DPYD: variants seen among roughly 807,000 people sequenced by gnomAD.
DPYD encodes the protein dihydropyrimidine dehydrogenase.
DPYD carries 109 observed loss-of-function variants against 116.2 expected under a neutral mutation model. That is an observed-to-expected ratio of 0.94 (90% CI 0.80 to 1.10). The LOEUF (loss-of-function observed/expected upper bound fraction) is 1.10, where lower values mean the gene tolerates loss of function less well. DPYD is among the 50% of genes least tolerant of loss of function. DPYD has a pLI of 0.00. For missense variants in DPYD, 1,302 were observed against 1,254.5 expected, an observed-to-expected ratio of 1.04 and a Z score of -0.57; for synonymous variants, 440 against 432.0, an observed-to-expected ratio of 1.02 and a Z score of -0.23.
intron 20 of DPYD, among the ~76,000 whole-genome samples, chr1:97,160,302 T>C (rs961897477): frequency 6.6e-6 from 1 of 151,978 alleles, no homozygotes; most frequent in Non-Finnish European, 1.5e-5. Flanking sequence ...AATATTTCAG[T>C]AGAATGGGAA....
At chr1:97,884,642 C>A (rs1020454655) in intron 1 of DPYD, among the ~76,000 whole-genome samples, 1 of 151,996 alleles carries the variant, frequency 6.6e-6, no homozygotes, top group East Asian at 1.9e-4. Flanking sequence ...CATGAAGTTA[C>A]CCCTAACTAA....
At chr1:97,228,539 C>A (rs145376511) in intron 19 of DPYD, among the ~76,000 whole-genome samples, 2 of 152,262 alleles carry the variant, frequency 1.3e-5, no homozygotes, top group Admixed American at 1.3e-4. Context: ...ATAGTCTATA[C>A]ACATGATGAA....
intron 13 of DPYD, among the ~76,000 whole-genome samples, chr1:97,467,996 C>T (rs771087493): frequency 1.3e-5 from 2 of 152,024 alleles, no homozygotes; most frequent in Non-Finnish European, 1.5e-5. Flanking sequence ...TTGACAAACT[C>T]CTATGGTAAA....
rs143206857 is a variant in DPYD at position 97,579,527 on chromosome 1, T to C, written c.1129-5557A>G. Among the ~76,000 whole-genome samples the C allele has an allele frequency of 3.2e-4, 49 of 152,348 alleles. 1 individual carries two copies. The East Asian group carries it at 8.5e-3, about 26-fold the overall frequency. ...CTGCTATCAGAAAACATGGACCAAA[T>C]TGACCTGTGGTCTAACCACATGCAG... On this transcript the variant is annotated intron_variant, in intron 10 of 22. Coordinates refer to ENST00000370192, the MANE Select transcript of DPYD (RefSeq NM_000110.4).
At chr1:97,880,419 T>C (rs1672149018) in intron 2 of DPYD, among the ~76,000 whole-genome samples, 1 of 151,880 alleles carries the variant, frequency 6.6e-6, no homozygotes, top group Non-Finnish European at 1.5e-5. Context: ...TTCAATTATT[T>C]ATGCCAGCAT....
At chr1:97,100,294 G>T (rs552521995) in intron 20 of DPYD, among the ~76,000 whole-genome samples, 1 of 152,024 alleles carries the variant, frequency 6.6e-6, no homozygotes, top group African/African-American at 2.4e-5. Context: ...GAGGTGTTAG[G>T]GATTACACTT....
chr1:97,870,887 T>C (rs1671622179), intron 2 of DPYD, among the ~76,000 whole-genome samples: 1 of 151,832 alleles, frequency 6.6e-6, no homozygotes, highest in South Asian at 2.1e-4. Context: ...TTACGTGGGT[T>C]CCACCGATTA....
intron 20 of DPYD, among the ~76,000 whole-genome samples, chr1:97,176,268 C>T (rs999917007): frequency 6.6e-6 from 1 of 152,206 alleles, no homozygotes; most frequent in Admixed American, 6.5e-5. Context: ...TCAGCCTCTG[C>T]TTAGGCAGGC....
intron 3 of DPYD, among the ~76,000 whole-genome samples, chr1:97,812,508 A>G (rs1315463249): frequency 1.3e-5 from 2 of 152,132 alleles, no homozygotes; most frequent in East Asian, 3.9e-4. Flanking sequence ...TCCAAAGTAC[A>G]TTTTTAAGAC....
At chr1:97,226,158 T>C (rs1013069184) in intron 19 of DPYD, among the ~76,000 whole-genome samples, 3 of 152,102 alleles carry the variant, frequency 2.0e-5, no homozygotes, top group African/African-American at 7.2e-5. Context: ...TCTTAATAGA[T>C]GCAGAAAAAT....
chr1:97,632,138 T>C (rs1456418989), intron 8 of DPYD, among the ~76,000 whole-genome samples: 3 of 152,100 alleles, frequency 2.0e-5, no homozygotes, highest in African/African-American at 4.8e-5. Flanking sequence ...ATAAGGAAGC[T>C]GTGGTCATCA....
At chr1:97,642,857 T>C (rs1014178888) in intron 8 of DPYD, among the ~76,000 whole-genome samples, 1 of 151,478 alleles carries the variant, frequency 6.6e-6, no homozygotes, top group Non-Finnish European at 1.5e-5. Context: ...ATTGTGCACA[T>C]GTACCCTAAA....
chr1:97,688,857 A>T (rs1179492903), intron 7 of DPYD, among the ~76,000 whole-genome samples: 3 of 151,968 alleles, frequency 2.0e-5, no homozygotes, highest in African/African-American at 4.8e-5. Flanking sequence ...TGATGCCAAA[A>T]TTGATAAATT....
intron 8 of DPYD, among the ~76,000 whole-genome samples, chr1:97,649,743 G>T (rs1658476468): frequency 6.6e-6 from 1 of 152,056 alleles, no homozygotes. Context: ...AGAAAGGGAA[G>T]TAGGAAGTTC....
At chr1:97,368,869 T>G (rs1671173333) in intron 16 of DPYD, among the ~76,000 whole-genome samples, 1 of 152,344 alleles carries the variant, frequency 6.6e-6, no homozygotes, top group East Asian at 1.9e-4. Context: ...TATTGTTGCA[T>G]GACAATGCAG....
At chr1:97,896,130 T>TA (rs889959997) in intron 1 of DPYD, among the ~76,000 whole-genome samples, 6 of 151,924 alleles carry the variant, frequency 3.9e-5, no homozygotes, top group Middle Eastern at 3.4e-3. Context: ...AATGGACTCT[T>TA]AGAGATTAAC....
chr1:97,287,390 T>C (rs1410084258), intron 18 of DPYD, among the ~76,000 whole-genome samples: 2 of 152,158 alleles, frequency 1.3e-5, no homozygotes, highest in African/African-American at 4.8e-5. Context: ...AGGCACCCAC[T>C]TGAGGAGGCA....
chr1:97,519,758 T>C (rs1353723224), intron 12 of DPYD, among the ~76,000 whole-genome samples: 1 of 152,172 alleles, frequency 6.6e-6, no homozygotes, highest in African/African-American at 2.4e-5. Flanking sequence ...TGTTGGCTTA[T>C]GTTCTTAAGC....
intron 21 of DPYD, among the ~76,000 whole-genome samples, chr1:97,089,384 T>C (rs1414671186): frequency 6.6e-6 from 1 of 152,186 alleles, no homozygotes; most frequent in East Asian, 1.9e-4. Flanking sequence ...ATGTGCACAC[T>C]GTCACTTCAG....
Sources: allele counts gnomAD v4.1 joint callset (sites outside exome capture counted in the v4.1 genomes callset), GRCh38; gene constraint gnomAD v4.1.1; transcripts MANE v1.5; gene names NCBI Gene and HGNC (gene_info 2026-07-23, HGNC 2026-07-21).